WDR45: variants seen among roughly 807,000 people sequenced by gnomAD.
WDR45 encodes the protein WD repeat domain 45.
In WDR45, 2 loss-of-function variants were observed where a neutral mutation model predicts 27.3. The ratio of observed to expected loss-of-function variants is 0.07; its 90% CI spans 0.03 to 0.23. WDR45 has a LOEUF of 0.23. Ranked by LOEUF, WDR45 falls within the 10% of genes least tolerant of loss-of-function variation. The pLI, the probability that WDR45 is intolerant of heterozygous loss-of-function variation, is 1.00. For missense variants in WDR45, 175 were observed against 311.9 expected (o/e 0.56, Z 3.31); for synonymous variants, 99 against 119.2 (o/e 0.83, Z 1.11).
Position 49,076,998 on chromosome X carries a change from G to A in WDR45, c.236-248C>T, listed in dbSNP as rs1251988965. The A allele has an allele frequency of 7.9e-6, 3 of 378,072 alleles. No individual in the cohort carries two copies. The East Asian group carries it at 1.4e-4, about 17-fold the overall frequency. The allele number at this position is 378,072 out of a possible 1,213,427, so 31.2% of individuals were successfully genotyped here. On this transcript the variant is annotated intron_variant, in intron 4 of 10. Coordinates refer to ENST00000376372, the MANE Select transcript of WDR45 (RefSeq NM_001029896.2). ...CAAAGTGGTTGAGTGTCTGGCCAAG[G>A]ACCTCAAAGCTCATCAGCAACCAAA... is the stretch of plus-strand genomic sequence containing the variant.
At position 49,077,686 on chromosome X, in the gene WDR45, G is replaced by C; in HGVS notation, c.192C>G (p.Ala64=). The change falls in exon 4 of 11, where the codon GCC becomes GCG. Residue 64 remains alanine, a synonymous_variant. Coordinates refer to ENST00000376372, the MANE Select transcript of WDR45 (RefSeq NM_001029896.2). ...VEMLHRSNLL[A]LVGGGSSPKF... is the part of the protein sequence containing the mutation. The stretch of plus-strand genomic sequence containing the variant: ...TGGGACTACTACCACCGCCCACCAA[G>C]GCCAGAAGGTTGGAGCGGTGCAGCA... 8.3e-7 allele frequency: 1 copy of C among 1,202,357 alleles called. No homozygotes were observed. Among genetic ancestry groups the C allele is most frequent in the South Asian group, 1.8e-5 (1 of 55,332 alleles).
At chrX:49,089,277 G>C (rs1313097526) in intron 2 of WDR45, among the ~76,000 whole-genome samples, 3 of 110,054 alleles carry the variant, frequency 2.7e-5, no homozygotes, top group Admixed American at 9.7e-5. Flanking sequence ...GACAGAGGGA[G>C]GCTCCATCTC....
chrX:49,094,871 G>A (rs1408064868), intron 2 of WDR45, among the ~76,000 whole-genome samples: 5 of 110,542 alleles, frequency 4.5e-5, no homozygotes, highest in African/African-American at 9.8e-5. Flanking sequence ...CAGGCAGATC[G>A]CCTGAGGTCA....
upstream of WDR45, among the ~76,000 whole-genome samples, chrX:49,081,839 C>A (rs1439195694): frequency 9.4e-6 from 1 of 106,773 alleles, no homozygotes; most frequent in Non-Finnish European, 1.9e-5. Context: ...AAAAAATTAG[C>A]CGGGCGTGGT....
At chrX:49,087,361 A>C (rs1430416581) in intron 2 of WDR45, among the ~76,000 whole-genome samples, 1 of 108,758 alleles carries the variant, frequency 9.2e-6, no homozygotes, top group Non-Finnish European at 1.9e-5. Context: ...TGCGTCTCAA[A>C]AAAGAAAAAA....
chrX:49,094,943 C>T (rs1205286087), intron 2 of WDR45, among the ~76,000 whole-genome samples: 1 of 109,896 alleles, frequency 9.1e-6, no homozygotes, highest in East Asian at 2.9e-4. Flanking sequence ...CATGCACCAC[C>T]ACGCCTGGCT....
intron 2 of WDR45, among the ~76,000 whole-genome samples, chrX:49,091,214 G>A (rs941477443): frequency 8.1e-5 from 9 of 110,665 alleles, no homozygotes; most frequent in Non-Finnish European, 1.7e-4. Flanking sequence ...GCTGAGGCGG[G>A]TGGATCACTT....
chrX:49,085,680 A>G (rs2147823141), intron 2 of WDR45, among the ~76,000 whole-genome samples: 1 of 112,307 alleles, frequency 8.9e-6, no homozygotes, highest in East Asian at 2.8e-4. Context: ...GTTGGAGAAG[A>G]GCCTGGGAAA....
chrX:49,077,743 G>C lies in WDR45; in HGVS notation c.135C>G (p.His45Gln). The change falls in exon 4 of 11, where the codon CAC becomes CAG. Residue 45 changes from histidine to glutamine, a missense_variant. His to Gln is a conservative substitution (Grantham distance 24, BLOSUM62 0). Transcript: ENST00000376372. The stretch of plus-strand genomic sequence containing the variant: ...CCAAGCCCATGCTGCCCACCTGCTC[G>C]TGGTCTGGACAGGGACCAGGGTGTC... ...EPLMEKGHLDHEQVGSMGLVE... is the reference protein window; with the variant it reads ...EPLMEKGHLDQEQVGSMGLVE... 3 of 1,200,723 alleles carry C rather than the reference G, an allele frequency of 2.5e-6. No individual in the cohort carries two copies. The highest frequency in any genetic ancestry group is 3.4e-6 in the Non-Finnish European group (3 of 889,607).
chrX:49,082,480 T>C (rs1436538540), upstream of WDR45, among the ~76,000 whole-genome samples: 2 of 110,920 alleles, frequency 1.8e-5, no homozygotes, highest in Non-Finnish European at 3.8e-5. Context: ...ATTACTGTGC[T>C]CCTCAACAAG....
intron 6 of WDR45, 116 bp from the exon 7 acceptor site, chrX:49,076,061 A>G: frequency 1.6e-6 from 1 of 634,282 alleles, no homozygotes; most frequent in Non-Finnish European, 2.5e-6. Flanking sequence ...TAACCCGAAG[A>G]ACCCTGAGGG....
intron 9 of WDR45, 36 bp from the exon 10 acceptor site, chrX:49,075,317 A>G: frequency 3.3e-6 from 4 of 1,208,996 alleles, no homozygotes; most frequent in Non-Finnish European, 4.5e-6. Context: ...GGTATGGTAA[A>G]TGGGCAGGGG....
intron 1 of WDR45, 33 bp from the exon 2 acceptor site, chrX:49,078,145 C>T: frequency 8.7e-7 from 1 of 1,147,313 alleles, no homozygotes; most frequent in Non-Finnish European, 1.2e-6. Context: ...TGAGAAGAGT[C>T]CTGGAATCTC....
At chrX:49,096,433 G>A (rs2065125836) in intron 2 of WDR45, among the ~76,000 whole-genome samples, 1 of 111,850 alleles carries the variant, frequency 8.9e-6, no homozygotes, top group Admixed American at 9.6e-5. Context: ...ATCTCACTAT[G>A]TTGCCCAGGC....
At chrX:49,078,863 C>T (rs1557084674) in intron 1 of WDR45, among the ~76,000 whole-genome samples, 1 of 112,468 alleles carries the variant, frequency 8.9e-6, no homozygotes. Context: ...CTAGGAGATG[C>T]ACTTCTTGTA....
chrX:49,075,807 A>C (rs1557084101), intron 7 of WDR45, 54 bp from the exon 8 acceptor site: 2 of 1,195,086 alleles, frequency 1.7e-6, no homozygotes. Context: ...GAAGGGGCCA[A>C]GAGTCCACAA....
chrX:49,081,563 G>A (rs1557085146), upstream of WDR45, among the ~76,000 whole-genome samples: 3 of 106,400 alleles, frequency 2.8e-5, no homozygotes, highest in Admixed American at 1.0e-4. Flanking sequence ...GTGGTGACAC[G>A]CGCCTGTAAT....
rs1400660081 is a variant in WDR45 at position 49,079,880 on chromosome X, G to A, written c.-147C>T. On this transcript the variant is annotated 5_prime_UTR_variant, in exon 1 of 11. Coordinates refer to ENST00000376372, the MANE Select transcript of WDR45 (RefSeq NM_001029896.2). ...CCTCCCGGGCCTTGGAGCCCGGCTC[G>A]GGTGTTTACATCAGGCCCTACTTCC... 2 of 113,267 alleles carry A rather than the reference G, an allele frequency of 1.8e-5. No individual in the cohort carries two copies. The highest frequency in any genetic ancestry group is 3.7e-5 in the Non-Finnish European group (2 of 53,386). 9.3% of individuals were successfully genotyped at this position (113,267 alleles called of 1,213,427 possible). A position where few individuals can be genotyped will look rare whatever the true frequency, so the allele number is the denominator to read the frequency against.
At chrX:49,083,315 CGTT>C (rs1290686620), upstream of WDR45, among the ~76,000 whole-genome samples, 1 of 90,454 alleles carries the variant, frequency 1.1e-5, no homozygotes, top group African/African-American at 4.7e-5. Context: ...CCCGGCCTCT[CGTT>C]TTTTTTTTTT....
Sources: gnomAD v4.1 joint callset for allele counts (sites outside exome capture counted in the v4.1 genomes callset) on GRCh38, gnomAD v4.1.1 for gene constraint, MANE v1.5 for transcripts, NCBI Gene and HGNC (gene_info 2026-07-23, HGNC 2026-07-21) for gene names.